Variants in IL1RAPL1 observed in about 807,000 individuals in gnomAD.
IL1RAPL1 encodes interleukin 1 receptor accessory protein like 1.
Under a neutral mutation model 48.4 loss-of-function variants are expected in IL1RAPL1, and 3 were observed. The observed-to-expected ratio is 0.06, with a 90% confidence interval of 0.03 to 0.16. The LOEUF is 0.16. Ranked by LOEUF, IL1RAPL1 falls within the 10% of genes least tolerant of loss-of-function variation. The pLI is 1.00. For missense variants in IL1RAPL1, 349 were observed against 530.6 expected (o/e 0.66, Z 3.36); for synonymous variants, 185 against 187.7 (o/e 0.99, Z 0.12).
chrX:29,697,702 C>G (rs945534579), intron 6 of IL1RAPL1, among the ~76,000 whole-genome samples: 10 of 112,505 alleles, frequency 8.9e-5, no homozygotes, highest in Middle Eastern at 4.6e-3. Flanking sequence ...GTATGCATCT[C>G]TGACCATTAC....
At chrX:29,851,460 A>G (rs1255431771) in intron 6 of IL1RAPL1, among the ~76,000 whole-genome samples, 1 of 112,266 alleles carries the variant, frequency 8.9e-6, no homozygotes, top group African/African-American at 3.2e-5. Context: ...CCAGAAGGCC[A>G]CTGAAATAAT....
chrX:29,925,758 T>C (rs1037005029), intron 8 of IL1RAPL1, among the ~76,000 whole-genome samples: 9 of 110,076 alleles, frequency 8.2e-5, no homozygotes. Context: ...CAGGCTGGTC[T>C]TGAACTCCTC....
At chrX:29,837,290 T>TACAC (rs1210117420) in intron 6 of IL1RAPL1, among the ~76,000 whole-genome samples, 2 of 72,835 alleles carry the variant, frequency 2.7e-5, no homozygotes, top group Admixed American at 1.5e-4. Flanking sequence ...TATATATATA[T>TACAC]ATATATATAT....
At chrX:28,882,605 T>C (rs1174393840) in intron 2 of IL1RAPL1, among the ~76,000 whole-genome samples, 1 of 111,443 alleles carries the variant, frequency 9.0e-6, no homozygotes, top group Non-Finnish European at 1.9e-5. Flanking sequence ...ATCATGCCAT[T>C]GCACTCCAGC....
At chrX:29,261,047 T>C (rs1931849929) in intron 2 of IL1RAPL1, among the ~76,000 whole-genome samples, 1 of 108,848 alleles carries the variant, frequency 9.2e-6, no homozygotes, top group Non-Finnish European at 1.9e-5. Context: ...AAATAATATT[T>C]TTATTTCCTT....
chrX:29,393,014 C>A (rs780354011), intron 3 of IL1RAPL1, among the ~76,000 whole-genome samples: 1 of 112,067 alleles, frequency 8.9e-6, no homozygotes, highest in Non-Finnish European at 1.9e-5. Context: ...GTGTTCTAAG[C>A]TCTTTATGAG....
intron 5 of IL1RAPL1, among the ~76,000 whole-genome samples, chrX:29,443,004 A>G (rs2147720409): frequency 9.0e-6 from 1 of 111,477 alleles, no homozygotes; most frequent in South Asian, 3.8e-4. Flanking sequence ...TTACTTATCT[A>G]ATTATTATTC....
intron 5 of IL1RAPL1, among the ~76,000 whole-genome samples, chrX:29,597,994 A>G (rs1389995462): frequency 1.1e-5 from 1 of 91,729 alleles, no homozygotes; most frequent in Non-Finnish European, 2.2e-5. Context: ...TGTTTCATTT[A>G]TCTTTTGTAA....
At chrX:29,390,005 A>G (rs1209291546) in intron 3 of IL1RAPL1, among the ~76,000 whole-genome samples, 1 of 112,397 alleles carries the variant, frequency 8.9e-6, no homozygotes, top group South Asian at 3.7e-4. Flanking sequence ...AGAGAGGGAC[A>G]CATGCATAGC....
chrX:29,405,846 G>T (rs190623568), intron 5 of IL1RAPL1, among the ~76,000 whole-genome samples: 1,366 of 103,261 alleles, frequency 0.013, 16 homozygotes, highest in Non-Finnish European at 0.017. Context: ...TATTTACTCT[G>T]CTCCATTCTT....
intron 6 of IL1RAPL1, among the ~76,000 whole-genome samples, chrX:29,713,131 T>C (rs770022842): frequency 8.9e-6 from 1 of 111,981 alleles, no homozygotes; most frequent in African/African-American, 3.2e-5. Context: ...ACATACAATA[T>C]ACAAGGTGTT....
In IL1RAPL1 at chrX:28,737,227, CTT is replaced by C. The variant is rs1305764821; in HGVS notation, c.-24-52091_-24-52090del. Reference sequence around the variant, plus strand: ...TTTCTCTTTCTTTCTTTCTTTCTTTCTTTCTTTCTTTCTTTCTTTCTTTCTTT... The same window carrying C: ...TTTCTCTTTCTTTCTTTCTTTCTTTCTCTTTCTTTCTTTCTTTCTTTCTTT... On this transcript the variant is annotated intron_variant, in intron 1 of 10. Transcript: ENST00000378993. 3.9e-4 allele frequency among the ~76,000 whole-genome samples: 32 copies of C among 81,559 alleles called. 2 individuals carry two copies. The highest frequency in any genetic ancestry group is 1.9e-3 in the Admixed American group (12 of 6,471). 70.8% of individuals were successfully genotyped at this position (81,559 alleles called of 115,157 possible).
intron 5 of IL1RAPL1, among the ~76,000 whole-genome samples, chrX:29,586,361 C>A (rs961248659): frequency 9.0e-6 from 1 of 111,390 alleles, no homozygotes; most frequent in East Asian, 2.8e-4. Flanking sequence ...GTTGTATATA[C>A]ATGGATTTAT....
In IL1RAPL1 at chrX:29,313,758, C is replaced by G. The variant is rs368015798; in HGVS notation, c.362+30541C>G. On this transcript the variant is annotated intron_variant, in intron 3 of 10. Coordinates refer to ENST00000378993, the MANE Select transcript of IL1RAPL1 (RefSeq NM_014271.4). Reference sequence around the variant, plus strand: ...TAAGAGCTCACCATTCATGACAACACTAATCTCCTCCCGCAACTCTGCCCT... The same window carrying G: ...TAAGAGCTCACCATTCATGACAACAGTAATCTCCTCCCGCAACTCTGCCCT... Among the ~76,000 whole-genome samples the G allele has an allele frequency of 2.7e-4, 30 of 112,003 alleles. No individual in the cohort carries two copies. The South Asian group carries it at 9.0e-3, about 34-fold the overall frequency.
chrX:29,123,167 C>T (rs1928832510), intron 2 of IL1RAPL1, among the ~76,000 whole-genome samples: 1 of 109,716 alleles, frequency 9.1e-6, no homozygotes, highest in African/African-American at 3.3e-5. Context: ...GTAGCTGGAA[C>T]TACAAGTGCC....
intron 2 of IL1RAPL1, among the ~76,000 whole-genome samples, chrX:28,816,546 C>T (rs1239578923): frequency 9.0e-6 from 1 of 111,030 alleles, no homozygotes; most frequent in Non-Finnish European, 1.9e-5. Flanking sequence ...TGGCCGCCAG[C>T]TGCCTCTACA....
intron 2 of IL1RAPL1, among the ~76,000 whole-genome samples, chrX:29,006,694 T>TGTGTG (rs759262818): frequency 1.1e-4 from 11 of 101,964 alleles, no homozygotes; most frequent in East Asian, 6.2e-4. Flanking sequence ...TGTGTGTGTG[T>TGTGTG]TATTAAATAT....
At chrX:28,833,135 A>G (rs1249023650) in intron 2 of IL1RAPL1, among the ~76,000 whole-genome samples, 1 of 111,269 alleles carries the variant, frequency 9.0e-6, no homozygotes, top group Non-Finnish European at 1.9e-5. Flanking sequence ...GCTGCAAAGG[A>G]CATGATTTCG....
chrX:29,323,155 G>C lies in IL1RAPL1; in HGVS notation c.362+39938G>C, dbSNP rs189783903. 2.7e-3 allele frequency among the ~76,000 whole-genome samples: 295 copies of C among 111,099 alleles called. 1 individual carries two copies. The highest frequency in any genetic ancestry group is 4.6e-3 in the Non-Finnish European group (246 of 53,007). Reference sequence around the variant, plus strand: ...TATCAATTCTTATTCTCTTTCAACTGTATGGTCATCTTCATCTTTTCCTCT... The same window carrying C: ...TATCAATTCTTATTCTCTTTCAACTCTATGGTCATCTTCATCTTTTCCTCT... On this transcript the variant is annotated intron_variant, in intron 3 of 10. Coordinates refer to ENST00000378993, the MANE Select transcript of IL1RAPL1 (RefSeq NM_014271.4).
Sources: gnomAD v4.1 joint callset for allele counts (sites outside exome capture counted in the v4.1 genomes callset) on GRCh38, gnomAD v4.1.1 for gene constraint, MANE v1.5 for transcripts, NCBI Gene and HGNC (gene_info 2026-07-23, HGNC 2026-07-21) for gene names.